The following C17orf67 variants were observed in gnomAD, a reference collection of about 807,000 sequenced individuals.
The protein encoded by C17orf67 is chromosome 17 open reading frame 67, also known as uncharacterized protein C17orf67.
C17orf67 carries 12 observed loss-of-function variants against 11.2 expected under a neutral mutation model. The observed-to-expected ratio is 1.07, with a 90% confidence interval of 0.68 to 1.73. The LOEUF (loss-of-function observed/expected upper bound fraction) is 1.73, where lower values mean the gene tolerates loss of function less well. Among genes scored for constraint, C17orf67 ranks in the 40% most tolerant of loss-of-function variants. The probability of loss-of-function intolerance (pLI) is 0.00; values close to 1 mark genes in which losing one functional copy is unlikely to be tolerated. For missense variants in C17orf67, 115 were observed against 113.5 expected (o/e 1.01, Z -0.06); for synonymous variants, 59 against 46.9 (o/e 1.26, Z -1.05).
At chr17:56,818,750 A>G (rs111336963) in intron 4 of C17orf67, among the ~76,000 whole-genome samples, 3,890 of 152,282 alleles carry the variant, frequency 0.026, 173 homozygotes, top group African/African-American at 0.089. Context: ...TGTCAATGAG[A>G]GATTTTATGC....
At chr17:56,805,897 A>G (rs1905434988) in intron 6 of C17orf67, among the ~76,000 whole-genome samples, 1 of 152,066 alleles carries the variant, frequency 6.6e-6, no homozygotes, top group South Asian at 2.1e-4. Flanking sequence ...TTAAATATAT[A>G]CAAAGACTAA....
intron 7 of C17orf67, among the ~76,000 whole-genome samples, chr17:56,794,808 T>G (rs1001077692): frequency 6.6e-6 from 1 of 152,156 alleles, no homozygotes; most frequent in African/African-American, 2.4e-5. Context: ...CCCTCCCCAT[T>G]CGGGATCACT....
At chr17:56,794,285 CAAAGAT>C (rs932419139) in intron 7 of C17orf67, among the ~76,000 whole-genome samples, 2 of 152,154 alleles carry the variant, frequency 1.3e-5, no homozygotes, top group African/African-American at 4.8e-5. Flanking sequence ...CTCTTAACCA[CAAAGAT>C]AAACTACCTG....
chr17:56,809,877 A>C (rs1905561591), intron 6 of C17orf67, among the ~76,000 whole-genome samples: 2 of 106,692 alleles, frequency 1.9e-5, no homozygotes, highest in Non-Finnish European at 3.8e-5. Context: ...ACCTTCACAC[A>C]CCTCTCACAC....
At chr17:56,803,916 A>T (rs1172121576) in intron 6 of C17orf67, 2 of 152,208 alleles carry the variant, frequency 1.3e-5, no homozygotes, top group Non-Finnish European at 2.9e-5. Context: ...AGCAATCATT[A>T]GTCAAATCAA....
intron 6 of C17orf67, among the ~76,000 whole-genome samples, chr17:56,796,443 G>C (rs1018702182): frequency 1.3e-5 from 2 of 152,150 alleles, no homozygotes; most frequent in Non-Finnish European, 2.9e-5. Context: ...AGCCACTTAG[G>C]ACACTTATGT....
intron 6 of C17orf67, among the ~76,000 whole-genome samples, chr17:56,809,908 TACAC>T (rs1353346646): frequency 1.2e-5 from 1 of 81,464 alleles, no homozygotes; most frequent in African/African-American, 4.9e-5. Context: ...CACACACCCT[TACAC>T]ACACCCTCAC....
rs1275330011 is a variant in C17orf67, at chr17:56,805,586, G to A, written c.156+9283C>T. Among the ~76,000 whole-genome samples the A allele has an allele frequency of 2.0e-5, 3 of 152,078 alleles. No individual in the cohort carries two copies. In the East Asian group the frequency reaches 5.8e-4, roughly 29 times the overall value. ...TTGAATATTAAAAATAACATGAATTGTTTAAAGTCTTTTGGAAAGCAATTC... is the reference window on the plus strand; with the variant it reads ...TTGAATATTAAAAATAACATGAATTATTTAAAGTCTTTTGGAAAGCAATTC... On this transcript the variant is annotated intron_variant, in intron 6 of 7. Transcript: ENST00000397861.
At chr17:56,831,408 G>C (rs1383536483) in intron 2 of C17orf67, among the ~76,000 whole-genome samples, 1 of 152,162 alleles carries the variant, frequency 6.6e-6, no homozygotes, top group Admixed American at 6.5e-5. Flanking sequence ...TGATAAATTG[G>C]AATAAATGTT....
intron 2 of C17orf67, among the ~76,000 whole-genome samples, chr17:56,828,114 A>AC (rs1906090048): frequency 6.6e-6 from 1 of 151,006 alleles, no homozygotes; most frequent in Non-Finnish European, 1.5e-5. Context: ...TCTCAAAAAA[A>AC]AAAAAAAAAA....
At position 56,815,945 on chromosome 17, in the gene C17orf67, C is replaced by T. The variant is rs1905752183; in HGVS notation, c.-135G>A. On this transcript the variant is annotated 5_prime_UTR_variant, in exon 5 of 8. Coordinates refer to ENST00000397861, the MANE Select transcript of C17orf67 (RefSeq NM_001085430.4). ...ACTTACGGTATGATGCTGAATGTAT[C>T]TGACTCTGAGCGTTTTAGTAATGAC... 3 of 1,497,922 alleles carry T rather than the reference C, an allele frequency of 2.0e-6. No homozygotes were observed. The Admixed American group carries it at 5.3e-5, about 26-fold the overall frequency. 92.8% of individuals were successfully genotyped at this position (1,497,922 alleles called of 1,614,324 possible). A position where few individuals can be genotyped will look rare whatever the true frequency, so the allele number is the denominator to read the frequency against.
chr17:56,831,369 A>G (rs1345804322), intron 2 of C17orf67, among the ~76,000 whole-genome samples: 1 of 152,112 alleles, frequency 6.6e-6, no homozygotes, highest in Non-Finnish European at 1.5e-5. Flanking sequence ...GCTGGAACAG[A>G]GAGGGATGGC....
intron 6 of C17orf67, among the ~76,000 whole-genome samples, chr17:56,807,055 T>C (rs762111877): frequency 6.6e-6 from 1 of 152,304 alleles, no homozygotes. Context: ...TAGACAGTCA[T>C]GTAAATGACC....
intron 4 of C17orf67, among the ~76,000 whole-genome samples, chr17:56,822,499 T>A (rs929663085): frequency 1.1e-4 from 16 of 152,126 alleles, no homozygotes; most frequent in Admixed American, 8.5e-4. Flanking sequence ...AAAAAAGAAT[T>A]ATAATAAAAT....
intron 2 of C17orf67, among the ~76,000 whole-genome samples, chr17:56,831,164 TCA>T (rs200039566): frequency 0.64 from 97,218 of 151,358 alleles, 31,503 homozygotes; most frequent in East Asian, 0.89. Flanking sequence ...TGACAGTCAT[TCA>T]AGGGTGAGAA....
intron 2 of C17orf67, among the ~76,000 whole-genome samples, chr17:56,830,458 TA>T (rs1906167507): frequency 6.6e-6 from 1 of 152,208 alleles, no homozygotes; most frequent in Admixed American, 6.5e-5. Flanking sequence ...AAATAGTGGA[TA>T]TTTTTCAAAA....
chr17:56,822,184 C>T (rs191123018), intron 4 of C17orf67, among the ~76,000 whole-genome samples: 1 of 152,326 alleles, frequency 6.6e-6, no homozygotes, highest in East Asian at 1.9e-4. Flanking sequence ...TGGTTTGTTT[C>T]ATAGCATTAC....
At chr17:56,826,298 A>G (rs58542097) in intron 2 of C17orf67, among the ~76,000 whole-genome samples, 2,292 of 152,278 alleles carry the variant, frequency 0.015, 58 homozygotes, top group African/African-American at 0.052. Context: ...CTTCAAATCT[A>G]AACTAATTTA....
intron 6 of C17orf67, among the ~76,000 whole-genome samples, chr17:56,801,641 G>C (rs1905324714): frequency 6.6e-6 from 1 of 152,086 alleles, no homozygotes; most frequent in Non-Finnish European, 1.5e-5. Context: ...GGGTCAGCTG[G>C]GGTAGAGGGC....
Sources: allele counts gnomAD v4.1 joint callset (sites outside exome capture counted in the v4.1 genomes callset), GRCh38; gene constraint gnomAD v4.1.1; transcripts MANE v1.5; gene names NCBI Gene and HGNC (gene_info 2026-07-23, HGNC 2026-07-21).